The following IL27RA variants were observed in gnomAD, a reference collection of about 807,000 sequenced individuals.
The protein encoded by IL27RA is interleukin-27 receptor subunit alpha.
Under a neutral mutation model 80.8 loss-of-function variants are expected in IL27RA, and 61 were observed. The observed-to-expected ratio is 0.76, with a 90% CI of 0.61 to 0.93. The LOEUF is 0.93. Ranked by LOEUF, IL27RA falls within the 40% of genes least tolerant of loss-of-function variation. IL27RA has a pLI of 0.00. For synonymous variants in IL27RA, 316 were observed against 332.5 expected (o/e 0.95, Z 0.54); for missense variants, 735 against 808.1 (o/e 0.91, Z 1.10).
intron 2 of IL27RA, among the ~76,000 whole-genome samples, chr19:14,039,247 A>G (rs1975950987): frequency 6.6e-6 from 1 of 151,192 alleles, no homozygotes; most frequent in East Asian, 1.9e-4. Context: ...AGATCACGAC[A>G]TTATACTCCA....
chr19:14,044,824 A>G (rs1377178953), intron 6 of IL27RA, among the ~76,000 whole-genome samples: 1 of 151,652 alleles, frequency 6.6e-6, no homozygotes, highest in East Asian at 1.9e-4. Context: ...CCATCTATAC[A>G]GAGAATAAAA....
At chr19:14,047,486 G>A (rs1476299255) in intron 8 of IL27RA, among the ~76,000 whole-genome samples, 1 of 148,040 alleles carries the variant, frequency 6.8e-6, no homozygotes, top group Non-Finnish European at 1.5e-5. Flanking sequence ...TCTGGGGAGT[G>A]ACTGGGATCA....
At chr19:14,048,505 C>G (rs1313005344) in intron 8 of IL27RA, among the ~76,000 whole-genome samples, 1 of 152,118 alleles carries the variant, frequency 6.6e-6, no homozygotes, top group Non-Finnish European at 1.5e-5. Context: ...GTTGCCTGCT[C>G]ATATCTGTTT....
intron 10 of IL27RA, among the ~76,000 whole-genome samples, chr19:14,050,228 AAGGTGGCTCACACCTATAATCCC>A (rs1403030524): frequency 2.6e-5 from 4 of 151,970 alleles, no homozygotes; most frequent in African/African-American, 9.7e-5. Flanking sequence ...GGGGCTGGGC[AAGGTGGCTCACACCTATAATCCC>A]AGCACTTTTG....
Position 14,052,318 on chromosome 19 carries a change from C to A in IL27RA, c.*28C>A. ...CACACGTCTGGCTGGGGGCTGCCAGCCAGGCTAGAGGGATGCTCATGCAGG... is the reference window on the plus strand; with the variant it reads ...CACACGTCTGGCTGGGGGCTGCCAGACAGGCTAGAGGGATGCTCATGCAGG... On this transcript the variant is annotated 3_prime_UTR_variant, in exon 14 of 14. Coordinates refer to ENST00000263379, the MANE Select transcript of IL27RA (RefSeq NM_004843.4). 2.1e-6 allele frequency: 3 copies of A among 1,456,286 alleles called. No individual in the cohort carries two copies. The highest frequency in any genetic ancestry group is 2.7e-6 in the Non-Finnish European group (3 of 1,101,772). 90.2% of individuals were successfully genotyped at this position (1,456,286 alleles called of 1,614,324 possible). A position where few individuals can be genotyped will look rare whatever the true frequency, so the allele number is the denominator to read the frequency against.
At chr19:14,048,850 T>C in intron 8 of IL27RA, 131 bp from the exon 9 acceptor site, 1 of 800,396 alleles carries the variant, frequency 1.2e-6, no homozygotes, top group Non-Finnish European at 2.1e-6. Context: ...TGGGATTACC[T>C]CCTAGATAAA....
intron 8 of IL27RA, among the ~76,000 whole-genome samples, chr19:14,048,285 TAAATA>T (rs1976101156): frequency 1.3e-5 from 2 of 150,132 alleles, no homozygotes; most frequent in South Asian, 4.2e-4. Context: ...AATAAATAAA[TAAATA>T]AATTAATTAA....
At chr19:14,045,310 C>G (rs1012734649) in intron 6 of IL27RA, among the ~76,000 whole-genome samples, 1 of 150,238 alleles carries the variant, frequency 6.7e-6, no homozygotes, top group Non-Finnish European at 1.5e-5. Context: ...AAAAAGATGG[C>G]TGGGCGTGGT....
At position 14,050,867 on chromosome 19, in the gene IL27RA, C is replaced by G. The variant is rs748113782; in HGVS notation, c.1512C>G (p.Leu504=). The G allele has an allele frequency of 1.9e-6, 3 of 1,609,910 alleles. No homozygotes were observed. The Admixed American group carries it at 5.0e-5, about 27-fold the overall frequency. The change falls in exon 11 of 14, where the codon CTC becomes CTG. Residue 504 remains leucine (L), a synonymous_variant. Coordinates refer to ENST00000263379, the MANE Select transcript of IL27RA (RefSeq NM_004843.4). The part of the protein sequence containing the change: ...IAGQGPPGPI[L]RLHLPDNTLR... ...GACAGGGCCCTCCTGGTCCCATCCTCCGGCTTCATCTACCAGGTAGGGGGG... is the reference window on the plus strand; with the variant it reads ...GACAGGGCCCTCCTGGTCCCATCCTGCGGCTTCATCTACCAGGTAGGGGGG...
chr19:14,041,976 G>A (rs1002534362), intron 4 of IL27RA, among the ~76,000 whole-genome samples: 2 of 152,020 alleles, frequency 1.3e-5, no homozygotes, highest in African/African-American at 2.4e-5. Flanking sequence ...CGAGGCGGGC[G>A]GATCACGAGG....
chr19:14,048,995 G>C lies in IL27RA; in HGVS notation c.1156G>C (p.Gly386Arg). 2 of 1,613,844 alleles carry C rather than the reference G, an allele frequency of 1.2e-6. No homozygotes were observed. The highest frequency in any genetic ancestry group is 1.7e-6 in the Non-Finnish European group (2 of 1,179,856). The change falls in exon 9 of 14, where the codon GGG becomes CGG. Residue 386 changes from glycine (G) to arginine (R), a missense_variant. Physicochemically the swap from Gly to Arg is moderately radical, Grantham distance 125 (BLOSUM62 -2). Coordinates refer to ENST00000263379, the MANE Select transcript of IL27RA (RefSeq NM_004843.4). ...TTGTCACTCAGGGAATTTCACTGTC[G>C]GGGTCCCCTATCGAATCACTGTGAC... ...SALLPGNFTV[G>R]VPYRITVTAV...
In IL27RA at chr19:14,031,986, G is replaced by T; in HGVS notation, c.100+14G>T. 1 of 1,596,998 alleles carries T rather than the reference G, an allele frequency of 6.3e-7. No individual in the cohort carries two copies. The highest frequency in any genetic ancestry group is 8.5e-7 in the Non-Finnish European group (1 of 1,169,684). ...CGCGTCCCCAGGGTGAGTGCTGGAG[G>T]GAGCTCGTGTCCCGGGCGCTGCCGC... On this transcript the variant is annotated intron_variant, in intron 1 of 13. Coordinates refer to ENST00000263379, the MANE Select transcript of IL27RA (RefSeq NM_004843.4).
At chr19:14,032,333 C>T (rs550938242) in intron 1 of IL27RA, 53 bp from the exon 2 acceptor site, 1 of 1,355,048 alleles carries the variant, frequency 7.4e-7, no homozygotes, top group East Asian at 2.3e-5. Flanking sequence ...GGTGTGCAGG[C>T]GGAAGGGGGG....
Position 14,052,397 on chromosome 19 carries a change from A to G in IL27RA, c.*107A>G. 3 of 911,246 alleles carry G rather than the reference A, an allele frequency of 3.3e-6. No individual in the cohort carries two copies. Among genetic ancestry groups the G allele is most frequent in the Non-Finnish European group, 4.7e-6 (3 of 636,128 alleles). 56.4% of individuals were successfully genotyped at this position (911,246 alleles called of 1,614,324 possible). A position where few individuals can be genotyped will look rare whatever the true frequency, so the allele number is the denominator to read the frequency against. ...TGATGGATGAAGACACTGAGGACTC[A>G]GAGAGGCTGAGTCACTTACCTGAGG... On this transcript the variant is annotated 3_prime_UTR_variant, in exon 14 of 14. Coordinates refer to ENST00000263379, the MANE Select transcript of IL27RA (RefSeq NM_004843.4).
chr19:14,049,393 AC>A, intron 10 of IL27RA, 79 bp downstream of exon 10: 1 of 1,472,168 alleles, frequency 6.8e-7, no homozygotes, highest in Non-Finnish European at 9.2e-7. Flanking sequence ...CCTTGTCCCC[AC>A]GTGGGCCTCT....
intron 8 of IL27RA, among the ~76,000 whole-genome samples, chr19:14,047,658 T>C (rs1025044049): frequency 4.6e-3 from 283 of 61,618 alleles, no homozygotes; most frequent in Middle Eastern, 8.5e-3. Context: ...TGCCTGGCCC[T>C]TTTTTTTTTT....
chr19:14,032,633 A>C (rs10422189), intron 2 of IL27RA, 130 bp downstream of exon 2: 2 of 293,954 alleles, frequency 6.8e-6, no homozygotes, highest in Non-Finnish European at 6.0e-6. Context: ...TACTAAAAAT[A>C]CAAAAAAAAA....
At chr19:14,047,437 C>T (rs918040756) in intron 8 of IL27RA, among the ~76,000 whole-genome samples, 2 of 150,888 alleles carry the variant, frequency 1.3e-5, no homozygotes, top group African/African-American at 4.9e-5. Flanking sequence ...TCACTGCAGC[C>T]TTCACCTCCC....
chr19:14,043,863 C>G (rs955037950), intron 6 of IL27RA, among the ~76,000 whole-genome samples: 2 of 151,080 alleles, frequency 1.3e-5, no homozygotes, highest in Non-Finnish European at 2.9e-5. Flanking sequence ...GCCTGGCCAA[C>G]ATGGTGAAAC....
Sources: gnomAD v4.1 joint callset for allele counts (sites outside exome capture counted in the v4.1 genomes callset) on GRCh38, gnomAD v4.1.1 for gene constraint, MANE v1.5 for transcripts, NCBI Gene and HGNC (gene_info 2026-07-23, HGNC 2026-07-21) for gene names.